PACSIN2: variants seen among roughly 807,000 people sequenced by gnomAD.
PACSIN2 encodes protein kinase C and casein kinase substrate in neurons 2.
PACSIN2 carries 25 observed loss-of-function variants against 63.8 expected under a neutral mutation model. The observed-to-expected ratio is 0.39, with a 90% confidence interval of 0.29 to 0.55. PACSIN2 has a LOEUF of 0.55. PACSIN2 is among the 20% of genes least tolerant of loss of function. PACSIN2 has a pLI of 0.62. For synonymous variants in PACSIN2, 255 were observed against 256.2 expected (o/e 1.00, Z 0.05); for missense variants, 518 against 646.9 (o/e 0.80, Z 2.16).
intron 10 of PACSIN2, 69 bp downstream of exon 10, chr22:42,876,061 TAAAAAAC>T: frequency 7.4e-7 from 1 of 1,349,744 alleles, no homozygotes; most frequent in East Asian, 2.4e-5. Flanking sequence ...TTTCCAGACT[TAAAAAAC>T]AAAAAAGACC....
intron 1 of PACSIN2, among the ~76,000 whole-genome samples, chr22:42,914,504 G>C (rs1273179883): frequency 6.6e-6 from 1 of 152,198 alleles, no homozygotes; most frequent in Non-Finnish European, 1.5e-5. Flanking sequence ...CGAAGTGCTG[G>C]GATTACAGGT....
intron 1 of PACSIN2, among the ~76,000 whole-genome samples, chr22:42,962,588 T>G: frequency 6.9e-6 from 1 of 145,728 alleles, no homozygotes. Flanking sequence ...GAGGGTGAGG[T>G]CTGGGGTAGG....
chr22:42,916,729 G>A (rs1344212450), intron 1 of PACSIN2, among the ~76,000 whole-genome samples: 1 of 152,048 alleles, frequency 6.6e-6, no homozygotes, highest in Non-Finnish European at 1.5e-5. Flanking sequence ...CCATGTGCAG[G>A]GACACACCAG....
chr22:42,915,372 G>T (rs940602161), intron 1 of PACSIN2, among the ~76,000 whole-genome samples: 7 of 152,194 alleles, frequency 4.6e-5, no homozygotes, highest in Non-Finnish European at 7.3e-5. Context: ...ACATTCTCCG[G>T]TTACATGGTG....
At chr22:43,013,539 T>C (rs2146935848) in intron 1 of PACSIN2, among the ~76,000 whole-genome samples, 1 of 152,338 alleles carries the variant, frequency 6.6e-6, no homozygotes, top group Admixed American at 6.5e-5. Context: ...GGCAGGCTCA[T>C]GAATCAAGTG....
intron 1 of PACSIN2, among the ~76,000 whole-genome samples, chr22:42,970,721 G>A (rs1261137708): frequency 6.6e-6 from 1 of 152,226 alleles, no homozygotes; most frequent in Non-Finnish European, 1.5e-5. Flanking sequence ...GAAATCAAAT[G>A]ATTTGTTAAA....
chr22:42,876,784 C>T, intron 9 of PACSIN2, 104 bp downstream of exon 9: 1 of 1,468,080 alleles, frequency 6.8e-7, no homozygotes, highest in Non-Finnish European at 9.4e-7. Flanking sequence ...TCCTGCAGAG[C>T]TCCGTGCATT....
rs529309393 is a variant in PACSIN2 at position 42,924,568 on chromosome 22, G to A, written c.-77-12411C>T. ...CAGCCCGCATCTGCTCACCTCCACCGAGCTACTTTGTCCTCAGACCCTGCT... is the reference window on the plus strand; with the variant it reads ...CAGCCCGCATCTGCTCACCTCCACCAAGCTACTTTGTCCTCAGACCCTGCT... On this transcript the variant is annotated intron_variant, in intron 1 of 10. Transcript: ENST00000263246. Among the ~76,000 whole-genome samples, 3 of 151,972 alleles carry A rather than the reference G, an allele frequency of 2.0e-5. 1 individual carries two copies. The South Asian group carries it at 6.2e-4, about 32-fold the overall frequency.
At chr22:42,965,956 T>TAAA (rs1920950823) in intron 1 of PACSIN2, among the ~76,000 whole-genome samples, 1 of 151,958 alleles carries the variant, frequency 6.6e-6, no homozygotes, top group African/African-American at 2.4e-5. Flanking sequence ...CATAAATAAA[T>TAAA]TATGTGAAAA....
chr22:42,957,089 C>T (rs769424626), intron 1 of PACSIN2, among the ~76,000 whole-genome samples: 10 of 150,518 alleles, frequency 6.6e-5, no homozygotes, highest in Non-Finnish European at 1.5e-4. Flanking sequence ...GAGCCTGCAG[C>T]CCCACTTCTT....
At chr22:42,926,674 A>G (rs916232338) in intron 1 of PACSIN2, among the ~76,000 whole-genome samples, 2 of 93,290 alleles carry the variant, frequency 2.1e-5, no homozygotes, top group African/African-American at 1.8e-4. Context: ...TCCCACAGGA[A>G]AAAAAAAAAA....
At chr22:42,982,272 G>A (rs1424379691) in intron 1 of PACSIN2, among the ~76,000 whole-genome samples, 34 of 56,558 alleles carry the variant, frequency 6.0e-4, no homozygotes, top group Middle Eastern at 8.8e-3. Flanking sequence ...CCCCCCGCCC[G>A]GCCAGCCGCC....
At chr22:42,971,748 C>CGGGA (rs1358551625) in intron 1 of PACSIN2, among the ~76,000 whole-genome samples, 127 of 142,634 alleles carry the variant, frequency 8.9e-4, no homozygotes, top group Middle Eastern at 4.0e-3. Context: ...CCGCCCCGTC[C>CGGGA]GGGAGGTGGG....
chr22:42,990,864 C>G (rs909152002), intron 1 of PACSIN2, among the ~76,000 whole-genome samples: 1 of 152,148 alleles, frequency 6.6e-6, no homozygotes, highest in Non-Finnish European at 1.5e-5. Context: ...AAATGCTAAA[C>G]CATATCTGTC....
chr22:42,908,661 C>T (rs1257099557), intron 2 of PACSIN2, among the ~76,000 whole-genome samples: 3 of 152,214 alleles, frequency 2.0e-5, no homozygotes, highest in Non-Finnish European at 2.9e-5. Context: ...ACTTGGCCCC[C>T]GCCACTGTAA....
At chr22:42,927,250 C>CTTT (rs11431933) in intron 1 of PACSIN2, among the ~76,000 whole-genome samples, 4 of 147,300 alleles carry the variant, frequency 2.7e-5, no homozygotes, top group African/African-American at 9.9e-5. Flanking sequence ...CTTCCAGTTA[C>CTTT]TTTTTTTTTT....
At chr22:42,989,867 A>AATAT (rs72245261) in intron 1 of PACSIN2, among the ~76,000 whole-genome samples, 15 of 125,192 alleles carry the variant, frequency 1.2e-4, no homozygotes, top group African/African-American at 3.4e-4. Flanking sequence ...GGGAAAAAAA[A>AATAT]ATATATATAT....
chr22:42,972,078 G>A (rs984065713), intron 1 of PACSIN2, among the ~76,000 whole-genome samples: 7 of 152,210 alleles, frequency 4.6e-5, no homozygotes, highest in African/African-American at 1.7e-4. Context: ...GGGGAAATGT[G>A]GGGAAAAGAA....
chr22:42,875,864 GGTTTTGCC>G (rs1275118191), intron 10 of PACSIN2, among the ~76,000 whole-genome samples: 1 of 152,070 alleles, frequency 6.6e-6, no homozygotes, highest in African/African-American at 2.4e-5. Context: ...TGTAGAGACA[GGTTTTGCC>G]ATTTTGCCCA....
Sources: allele counts gnomAD v4.1 joint callset (sites outside exome capture counted in the v4.1 genomes callset), GRCh38; gene constraint gnomAD v4.1.1; transcripts MANE v1.5; gene names NCBI Gene and HGNC (gene_info 2026-07-23, HGNC 2026-07-21).